ARHGAP10: variants seen among roughly 807,000 people sequenced by gnomAD.
The protein encoded by ARHGAP10 is rho GTPase-activating protein 10.
Under a neutral mutation model 108.6 loss-of-function variants are expected in ARHGAP10, and 87 were observed. The ratio of observed to expected loss-of-function variants is 0.80; its 90% confidence interval spans 0.67 to 0.96. The LOEUF is 0.96. Among genes scored for constraint, ARHGAP10 ranks in the 40% least tolerant of loss-of-function variants. The pLI, the probability that ARHGAP10 is intolerant of heterozygous loss-of-function variation, is 0.00. For missense variants in ARHGAP10, 939 were observed against 954.5 expected (o/e 0.98, Z 0.21); for synonymous variants, 347 against 341.1 (o/e 1.02, Z -0.19).
At chr4:147,995,858 A>C (rs1327719273) in intron 18 of ARHGAP10, among the ~76,000 whole-genome samples, 1 of 151,792 alleles carries the variant, frequency 6.6e-6, no homozygotes, top group Non-Finnish European at 1.5e-5. Context: ...CTGGGACTAC[A>C]GGCACCCGCC....
Position 147,840,853 on chromosome 4 carries a change from T to A in ARHGAP10, c.313-6298T>A, listed in dbSNP as rs554956617. 3.3e-5 allele frequency among the ~76,000 whole-genome samples: 5 copies of A among 152,302 alleles called. No homozygotes were observed. In the South Asian group the frequency reaches 1.0e-3, roughly 32 times the overall value. On this transcript the variant is annotated intron_variant, in intron 3 of 22. Coordinates refer to ENST00000336498, the MANE Select transcript of ARHGAP10 (RefSeq NM_024605.4). ...CAGCATTCCTTCTTCCTTCCCAACT[T>A]CTGATTGGCTGCAAATATTGTAAAT... is the stretch of plus-strand genomic sequence containing the variant.
intron 19 of ARHGAP10, among the ~76,000 whole-genome samples, chr4:148,029,356 G>A (rs1174293651): frequency 6.6e-6 from 1 of 152,158 alleles, no homozygotes; most frequent in African/African-American, 2.4e-5. Flanking sequence ...CACGGCAGCG[G>A]TGCACTCTGT....
intron 3 of ARHGAP10, among the ~76,000 whole-genome samples, chr4:147,825,436 G>A (rs1298355776): frequency 6.7e-6 from 1 of 149,808 alleles, no homozygotes; most frequent in African/African-American, 2.5e-5. Context: ...GACAGAGCGA[G>A]ACTCCATCTC....
chr4:148,038,637 G>A (rs1728485142), intron 19 of ARHGAP10, among the ~76,000 whole-genome samples: 1 of 152,140 alleles, frequency 6.6e-6, no homozygotes, highest in Admixed American at 6.5e-5. Context: ...GGGCAGAGAA[G>A]CCACTGAAAT....
At chr4:147,903,131 T>C (rs146557209) in intron 10 of ARHGAP10, among the ~76,000 whole-genome samples, 91 of 152,294 alleles carry the variant, frequency 6.0e-4, no homozygotes, top group African/African-American at 2.2e-3. Flanking sequence ...AGGGAGGCCC[T>C]GTGTGGCTGG....
chr4:147,743,166 TG>T (rs1426054065), intron 1 of ARHGAP10, among the ~76,000 whole-genome samples: 2 of 151,814 alleles, frequency 1.3e-5, no homozygotes, highest in East Asian at 3.9e-4. Flanking sequence ...CCCGAGTAGC[TG>T]GGATTACAGG....
At chr4:147,936,473 C>T (rs978619673) in intron 13 of ARHGAP10, among the ~76,000 whole-genome samples, 43 of 151,592 alleles carry the variant, frequency 2.8e-4, no homozygotes, top group African/African-American at 8.5e-4. Context: ...GGACTACAGG[C>T]GCCCGCCACC....
chr4:147,964,077 GCCCCT>G (rs932492664), intron 16 of ARHGAP10, among the ~76,000 whole-genome samples: 12 of 152,144 alleles, frequency 7.9e-5, no homozygotes, highest in African/African-American at 2.9e-4. Context: ...CGAGGAAACT[GCCCCT>G]CCCAGGGCTG....
intron 10 of ARHGAP10, among the ~76,000 whole-genome samples, chr4:147,889,694 T>C (rs1735713870): frequency 6.6e-6 from 1 of 152,198 alleles, no homozygotes; most frequent in African/African-American, 2.4e-5. Flanking sequence ...CTGTTTTTGC[T>C]ATTTTTTTTT....
intron 1 of ARHGAP10, among the ~76,000 whole-genome samples, chr4:147,759,007 A>G (rs1357295151): frequency 6.7e-6 from 1 of 150,044 alleles, no homozygotes; most frequent in African/African-American, 2.4e-5. Flanking sequence ...AACAGGTGGT[A>G]TATTTTTTAT....
chr4:148,056,998 G>C (rs530636107), intron 20 of ARHGAP10, among the ~76,000 whole-genome samples: 2 of 152,132 alleles, frequency 1.3e-5, no homozygotes, highest in Admixed American at 6.5e-5. Flanking sequence ...CTCTCTTCAC[G>C]TTAGCTGAGG....
At chr4:147,779,792 T>C (rs1730455791) in intron 1 of ARHGAP10, among the ~76,000 whole-genome samples, 1 of 152,234 alleles carries the variant, frequency 6.6e-6, no homozygotes, top group South Asian at 2.1e-4. Flanking sequence ...GTTTTGTCTG[T>C]AATGTTTAAG....
chr4:147,873,681 A>AACACACAC (rs67852364), intron 7 of ARHGAP10, among the ~76,000 whole-genome samples: 6,950 of 98,658 alleles, frequency 0.07, 395 homozygotes, highest in Non-Finnish European at 0.073. Context: ...CAAAAAACAA[A>AACACACAC]ACACACACAC....
At chr4:147,890,227 A>G (rs1735744773) in intron 10 of ARHGAP10, among the ~76,000 whole-genome samples, 2 of 152,192 alleles carry the variant, frequency 1.3e-5, no homozygotes, top group African/African-American at 2.4e-5. Flanking sequence ...GTACTTTACT[A>G]TTACTGAGAA....
intron 1 of ARHGAP10, among the ~76,000 whole-genome samples, chr4:147,795,936 G>A (rs1163787464): frequency 1.3e-5 from 2 of 151,906 alleles, no homozygotes; most frequent in African/African-American, 2.4e-5. Flanking sequence ...CTCGTGATCC[G>A]CCCACCTCGG....
intron 13 of ARHGAP10, among the ~76,000 whole-genome samples, chr4:147,920,641 T>TAACAATACATA (rs5862822): frequency 6.6e-6 from 1 of 152,038 alleles, no homozygotes; most frequent in Non-Finnish European, 1.5e-5. Context: ...GTTGGTTACA[T>TAACAATACATA]ACAATCCTTG....
At chr4:147,762,783 G>T (rs1362044826) in intron 1 of ARHGAP10, among the ~76,000 whole-genome samples, 1 of 151,948 alleles carries the variant, frequency 6.6e-6, no homozygotes. Flanking sequence ...ACCTGCCTCA[G>T]CCTCCCAAAG....
chr4:147,995,659 T>A (rs901506772), intron 18 of ARHGAP10, among the ~76,000 whole-genome samples: 1 of 152,154 alleles, frequency 6.6e-6, no homozygotes, highest in African/African-American at 2.4e-5. Flanking sequence ...CTGGTATCAG[T>A]CAGAGACAAA....
chr4:147,893,517 A>G (rs1021401817), intron 10 of ARHGAP10, among the ~76,000 whole-genome samples: 5 of 147,546 alleles, frequency 3.4e-5, no homozygotes, highest in African/African-American at 1.2e-4. Flanking sequence ...GTATAATAAG[A>G]ATATATATAT....
Sources: gnomAD v4.1 joint callset for allele counts (sites outside exome capture counted in the v4.1 genomes callset) on GRCh38, gnomAD v4.1.1 for gene constraint, MANE v1.5 for transcripts, NCBI Gene and HGNC (gene_info 2026-07-23, HGNC 2026-07-21) for gene names.